GALNT13: variants seen among roughly 807,000 people sequenced by gnomAD.
The protein encoded by GALNT13 is UDP-GalNAc:polypeptide N-acetylgalactosaminyltransferase 13.
In GALNT13, 28 loss-of-function variants were observed where a neutral mutation model predicts 64.2. The ratio of observed to expected loss-of-function variants is 0.44; its 90% CI spans 0.32 to 0.60. The LOEUF (loss-of-function observed/expected upper bound fraction) is 0.60. Ranked by LOEUF, GALNT13 falls within the 20% of genes least tolerant of loss-of-function variation. The probability of loss-of-function intolerance (pLI) is 0.05; values close to 1 mark genes in which losing one functional copy is unlikely to be tolerated. For missense variants in GALNT13, 577 were observed against 669.8 expected (o/e 0.86, Z 1.53); for synonymous variants, 214 against 224.6 (o/e 0.95, Z 0.42).
intron 3 of GALNT13, among the ~76,000 whole-genome samples, chr2:153,965,040 G>C (rs2105106209): frequency 6.6e-6 from 1 of 152,142 alleles, no homozygotes; most frequent in African/African-American, 2.4e-5. Context: ...AATTTTTTAT[G>C]TAATGGAAAG....
intron 3 of GALNT13, among the ~76,000 whole-genome samples, chr2:154,023,700 A>G: frequency 6.6e-6 from 1 of 152,010 alleles, no homozygotes; most frequent in African/African-American, 2.4e-5. Flanking sequence ...TTAGATTTAA[A>G]GTTAATGTTG....
At chr2:154,252,652 C>T (rs577661584) in intron 7 of GALNT13, among the ~76,000 whole-genome samples, 8 of 151,858 alleles carry the variant, frequency 5.3e-5, no homozygotes, top group East Asian at 1.9e-4. Flanking sequence ...CACCACTCCC[C>T]GCTAGGAAAA....
chr2:153,132,577 G>A, the GALNT13 span, among the ~76,000 whole-genome samples: 7 of 152,214 alleles, frequency 4.6e-5, no homozygotes, highest in East Asian at 3.9e-4. Flanking sequence ...TGCTTGTTAC[G>A]TATGTCTACT....
At chr2:153,466,391 T>G in the GALNT13 span, among the ~76,000 whole-genome samples, 7 of 152,168 alleles carry the variant, frequency 4.6e-5, no homozygotes, top group African/African-American at 1.2e-4. Flanking sequence ...TGGTAAATAC[T>G]GCCAACTCTT....
chr2:153,861,654 C>A, the GALNT13 span, among the ~76,000 whole-genome samples: 1 of 149,398 alleles, frequency 6.7e-6, no homozygotes, highest in East Asian at 2.0e-4. Flanking sequence ...GCAACCTCTG[C>A]CTCCTAGATT....
intron 9 of GALNT13, among the ~76,000 whole-genome samples, chr2:154,390,237 T>G (rs928569524): frequency 6.6e-6 from 1 of 152,190 alleles, no homozygotes; most frequent in Admixed American, 6.5e-5. Context: ...ACAGATTTTT[T>G]TATACTTAAA....
the GALNT13 span, among the ~76,000 whole-genome samples, chr2:153,649,654 G>A: frequency 1.3e-5 from 2 of 152,072 alleles, no homozygotes; most frequent in Non-Finnish European, 2.9e-5. Context: ...GATAGATTCT[G>A]GTATGTTGTG....
In GALNT13 at chr2:154,138,500, A is replaced by T. The variant is rs1438610583; in HGVS notation, c.143-1837A>T. On this transcript the variant is annotated intron_variant, in intron 3 of 12. Coordinates refer to ENST00000392825, the MANE Select transcript of GALNT13 (RefSeq NM_052917.4). ...AATCACAAATTTTCAAAATGTTAAG[A>T]ATCAGAATATTTTTTATACCAGGGA... Among the ~76,000 whole-genome samples the T allele has an allele frequency of 2.6e-5, 4 of 151,896 alleles. No individual in the cohort carries two copies. The South Asian group carries it at 8.3e-4, about 31-fold the overall frequency.
chr2:154,374,734 G>T (rs1697885469), intron 9 of GALNT13, among the ~76,000 whole-genome samples: 1 of 152,272 alleles, frequency 6.6e-6, no homozygotes, highest in South Asian at 2.1e-4. Flanking sequence ...ATGAAGTGTT[G>T]ATTCCATATT....
chr2:153,796,047 T>C, the GALNT13 span, among the ~76,000 whole-genome samples: 3 of 152,222 alleles, frequency 2.0e-5, no homozygotes, highest in Non-Finnish European at 4.4e-5. Flanking sequence ...GTGTTCTTAG[T>C]CCAGGTCAGA....
At chr2:154,250,008 AT>A (rs1330968569) in intron 7 of GALNT13, among the ~76,000 whole-genome samples, 1 of 152,104 alleles carries the variant, frequency 6.6e-6, no homozygotes, top group Non-Finnish European at 1.5e-5. Flanking sequence ...TAGTGTGATC[AT>A]AGAAGAAGCA....
the GALNT13 span, among the ~76,000 whole-genome samples, chr2:153,100,998 CAGTGTGAG>C: frequency 0.24 from 36,216 of 151,900 alleles, 4,873 homozygotes; most frequent in Non-Finnish European, 0.31. Flanking sequence ...CACTGTGTGA[CAGTGTGAG>C]ACTCCAGCCT....
the GALNT13 span, among the ~76,000 whole-genome samples, chr2:153,562,058 C>CTGTGTGTGTGTGTG: frequency 6.9e-5 from 6 of 87,160 alleles, no homozygotes; most frequent in African/African-American, 2.2e-4. Flanking sequence ...CTCTCTCTCT[C>CTGTGTGTGTGTGTG]TCTGTGTGTG....
At chr2:153,318,868 A>AT in the GALNT13 span, among the ~76,000 whole-genome samples, 1 of 152,296 alleles carries the variant, frequency 6.6e-6, no homozygotes, top group African/African-American at 2.4e-5. Flanking sequence ...TTTATCACTT[A>AT]TTGGCTGTGT....
the GALNT13 span, among the ~76,000 whole-genome samples, chr2:153,473,651 G>T: frequency 6.6e-6 from 1 of 152,176 alleles, no homozygotes; most frequent in African/African-American, 2.4e-5. Flanking sequence ...GCTTCCACAG[G>T]CTTTCAAATT....
the GALNT13 span, among the ~76,000 whole-genome samples, chr2:153,430,443 G>A: frequency 6.6e-6 from 1 of 151,714 alleles, no homozygotes; most frequent in Admixed American, 6.6e-5. Context: ...TACACGTGGT[G>A]TATTCTTTTA....
the GALNT13 span, among the ~76,000 whole-genome samples, chr2:153,519,877 A>G: frequency 1.3e-5 from 2 of 152,134 alleles, no homozygotes; most frequent in Non-Finnish European, 2.9e-5. Flanking sequence ...TAAATCCAGA[A>G]TATCTGGAGT....
At chr2:153,285,670 A>C in the GALNT13 span, among the ~76,000 whole-genome samples, 215 of 152,314 alleles carry the variant, frequency 1.4e-3, 1 homozygote, top group African/African-American at 5.0e-3. Context: ...CTGCAAATTG[A>C]GAGTCCATAT....
intron 3 of GALNT13, among the ~76,000 whole-genome samples, chr2:154,106,742 G>T (rs1487359698): frequency 6.6e-6 from 1 of 151,784 alleles, no homozygotes; most frequent in Admixed American, 6.6e-5. Flanking sequence ...ATGTTTTACT[G>T]TAAATTGATA....
Sources: allele counts gnomAD v4.1 joint callset (sites outside exome capture counted in the v4.1 genomes callset), GRCh38; gene constraint gnomAD v4.1.1; transcripts MANE v1.5; gene names NCBI Gene and HGNC (gene_info 2026-07-23, HGNC 2026-07-21).